The following LZTS1 variants were observed in gnomAD, a reference collection of about 807,000 sequenced individuals.
LZTS1 encodes leucine zipper putative tumor suppressor 1.
LZTS1 carries 31 observed loss-of-function variants against 45.8 expected under a neutral mutation model. That is an observed-to-expected ratio of 0.68 (90% CI 0.51 to 0.91). The LOEUF (loss-of-function observed/expected upper bound fraction) is 0.91. Among genes scored for constraint, LZTS1 ranks in the 40% least tolerant of loss-of-function variants. LZTS1 has a pLI of 0.00. For missense variants in LZTS1, 821 were observed against 788.9 expected (o/e 1.04, Z -0.49); for synonymous variants, 359 against 357.3 (o/e 1.00, Z -0.05).
intron 1 of LZTS1, among the ~76,000 whole-genome samples, chr8:20,298,320 C>G (rs1458668350): frequency 1.3e-5 from 2 of 152,132 alleles, no homozygotes; most frequent in African/African-American, 4.8e-5. Flanking sequence ...CCTCAGTCTC[C>G]CAAAGTGCTA....
At chr8:20,283,137 T>C (rs2128897677) in intron 1 of LZTS1, among the ~76,000 whole-genome samples, 1 of 152,226 alleles carries the variant, frequency 6.6e-6, no homozygotes, top group Non-Finnish European at 1.5e-5. Flanking sequence ...AGAAGACACT[T>C]CATGGATGCT....
In LZTS1 at chr8:20,246,626, A is replaced by T. The variant is rs192054659; in HGVS notation, c.*3096T>A. ...CACTGAGTGCCTCTCTGGGGAAGAG[A>T]TGCCCCCATATCCCAGTCCCATGTG... On this transcript the variant is annotated 3_prime_UTR_variant, in exon 4 of 4. Coordinates refer to ENST00000381569, the MANE Select transcript of LZTS1 (RefSeq NM_021020.5). 2.0e-3 allele frequency: 303 copies of T among 152,130 alleles called. 2 individuals carry two copies. Among genetic ancestry groups the T allele is most frequent in the African/African-American group, 6.8e-3 (283 of 41,472 alleles). 9.4% of individuals were successfully genotyped at this position (152,130 alleles called of 1,614,324 possible).
intron 1 of LZTS1, among the ~76,000 whole-genome samples, chr8:20,258,498 A>G (rs1800157242): frequency 6.6e-6 from 1 of 152,220 alleles, no homozygotes; most frequent in Non-Finnish European, 1.5e-5. Context: ...AGGTTATGTT[A>G]TGAATATGTT....
At position 20,251,747 on chromosome 8, in the gene LZTS1, C is replaced by T. The variant is rs1178702446; in HGVS notation, c.1149+1035G>A. Among the ~76,000 whole-genome samples, 7 of 152,274 alleles carry T rather than the reference C, an allele frequency of 4.6e-5. No individual in the cohort carries two copies. The East Asian group carries it at 1.2e-3, about 25-fold the overall frequency. The stretch of plus-strand genomic sequence containing the variant: ...CCAGCATGATACTAGTCACTGGGTA[C>T]AGCAGTGAATTTGTGAGGTAGTCTT... On this transcript the variant is annotated intron_variant, in intron 3 of 3. Transcript: ENST00000381569.
intron 1 of LZTS1, among the ~76,000 whole-genome samples, chr8:20,291,200 G>A (rs774216865): frequency 3.3e-5 from 5 of 152,208 alleles, no homozygotes; most frequent in Admixed American, 2.6e-4. Flanking sequence ...AGGTACCAAC[G>A]ACTCCTTCCC....
At position 20,303,944 on chromosome 8, in the gene LZTS1, C is replaced by G. The variant is rs1585309200; in HGVS notation, c.-339G>C. The G allele has an allele frequency of 1.0e-5, 10 of 977,506 alleles. No homozygotes were observed. Among genetic ancestry groups the G allele is most frequent in the Non-Finnish European group, 1.2e-5 (10 of 824,054 alleles). 60.6% of individuals were successfully genotyped at this position (977,506 alleles called of 1,614,324 possible). A position where few individuals can be genotyped will look rare whatever the true frequency, so the allele number is the denominator to read the frequency against. On this transcript the variant is annotated 5_prime_UTR_variant, in exon 1 of 4. Transcript: ENST00000381569. ...CCCGGCCGCTGCCAACCCGCCAGCTCCAGGCGCGCCGGCCTCTGCGCGGGT... is the reference window on the plus strand; with the variant it reads ...CCCGGCCGCTGCCAACCCGCCAGCTGCAGGCGCGCCGGCCTCTGCGCGGGT...
chr8:20,282,782 G>T (rs1800718878), intron 1 of LZTS1, among the ~76,000 whole-genome samples: 1 of 152,118 alleles, frequency 6.6e-6, no homozygotes, highest in African/African-American at 2.4e-5. Flanking sequence ...TTCCTTAGGT[G>T]GGTGGGTAGG....
chr8:20,272,972 C>A (rs729359), intron 1 of LZTS1, among the ~76,000 whole-genome samples: 1 of 152,194 alleles, frequency 6.6e-6, no homozygotes, highest in Non-Finnish European at 1.5e-5. Flanking sequence ...CCGTTCACAG[C>A]CAAGCTTCTC....
intron 1 of LZTS1, among the ~76,000 whole-genome samples, chr8:20,256,075 AAAAAAAAAAG>A (rs1241030738): frequency 1.1e-4 from 17 of 151,138 alleles, no homozygotes; most frequent in African/African-American, 3.9e-4. Flanking sequence ...AAAAAAAAAA[AAAAAAAAAAG>A]AAGAAGAAGA....
In LZTS1 at chr8:20,253,479, G is replaced by A. The variant is rs1168287963; in HGVS notation, c.452C>T (p.Pro151Leu). ...SPESASHQLH[P>L]APPDKPKEQE... Reference sequence around the variant, plus strand: ...CTCCTTGGGCTTGTCTGGAGGGGCGGGGTGCAGCTGGTGGCTGGCACTCTC... The same window carrying A: ...CTCCTTGGGCTTGTCTGGAGGGGCGAGGTGCAGCTGGTGGCTGGCACTCTC... Residue 151 changes from proline to leucine, a missense_variant, in exon 3 of 4, where the codon CCC (proline) becomes CTC (leucine). Pro to Leu is a moderately conservative substitution (Grantham distance 98). Coordinates refer to ENST00000381569, the MANE Select transcript of LZTS1 (RefSeq NM_021020.5). 1 of 1,601,432 alleles carries A rather than the reference G, an allele frequency of 6.2e-7. No individual in the cohort carries two copies. The highest frequency in any genetic ancestry group is 1.7e-5 in the Admixed American group (1 of 58,608).
intron 1 of LZTS1, among the ~76,000 whole-genome samples, chr8:20,278,322 C>G (rs1800623937): frequency 6.6e-6 from 1 of 152,160 alleles, no homozygotes; most frequent in Non-Finnish European, 1.5e-5. Flanking sequence ...TGAGCATGCA[C>G]ACAACTTCAG....
In LZTS1 at chr8:20,253,262, G is replaced by A. The variant is rs1366773027; in HGVS notation, c.669C>T (p.Asn223=). 1.2e-6 allele frequency: 2 copies of A among 1,614,018 alleles called. No homozygotes were observed. Among genetic ancestry groups the A allele is most frequent in the Non-Finnish European group, 1.7e-6 (2 of 1,180,052 alleles). Residue 223 remains asparagine (N), a synonymous_variant, in exon 3 of 4, where the codon AAC becomes AAT. Coordinates refer to ENST00000381569, the MANE Select transcript of LZTS1 (RefSeq NM_021020.5). ...ITQGIVLQDS[N]MMSLKALSFS... ...AGGACAGAGCCTTCAGGCTCATCAT[G>A]TTGCTGTCCTGGAGGACGATGCCCT...
At chr8:20,265,985 G>T (rs1396138549) in intron 1 of LZTS1, among the ~76,000 whole-genome samples, 1 of 151,934 alleles carries the variant, frequency 6.6e-6, no homozygotes, top group Non-Finnish European at 1.5e-5. Context: ...TCACACACAG[G>T]GTCAAACACA....
chr8:20,253,366 T>C lies in LZTS1; in HGVS notation c.565A>G (p.Ser189Gly), dbSNP rs1405277005. Residue 189 changes from serine to glycine, a missense_variant, in exon 3 of 4, where the codon AGC becomes GGC. Coordinates refer to ENST00000381569, the MANE Select transcript of LZTS1 (RefSeq NM_021020.5). ...ACCAGCGGGTCCAGCTGGTAGCTGC[T>C]GCTGGTGCTGTGTGTGGGCAGGCTG... The part of the protein sequence containing the change: ...MSSLPTHSTS[S>G]SYQLDPLVTP... 10 of 1,613,520 alleles carry C rather than the reference T, an allele frequency of 6.2e-6. No homozygotes were observed. In the Admixed American group the frequency reaches 1.7e-4, roughly 27 times the overall value.
At chr8:20,296,097 C>A (rs930102870) in intron 1 of LZTS1, among the ~76,000 whole-genome samples, 1 of 152,150 alleles carries the variant, frequency 6.6e-6, no homozygotes, top group African/African-American at 2.4e-5. Flanking sequence ...AAGTTGAGAC[C>A]AATTTAGCAG....
At chr8:20,261,811 C>T (rs997204292) in intron 1 of LZTS1, among the ~76,000 whole-genome samples, 1 of 152,226 alleles carries the variant, frequency 6.6e-6, no homozygotes, top group South Asian at 2.1e-4. Flanking sequence ...GATTCACACA[C>T]GCCCTCCTCC....
rs142383987 is a variant in LZTS1 at position 20,252,903 on chromosome 8, C to A, written c.1028G>T (p.Arg343Leu). ...GCTCTCGAGCTCCTGCCGGAGCTGC[C>A]GCTTCTCCTGCTGAAGCTGCAGTAC... ...LQVLQLQQEK[R>L]QLRQELESLM... Residue 343 changes from arginine to leucine, a missense_variant, in exon 3 of 4, where the codon CGG becomes CTG. Coordinates refer to ENST00000381569, the MANE Select transcript of LZTS1 (RefSeq NM_021020.5). The A allele has an allele frequency of 6.2e-7, 1 of 1,610,524 alleles. No individual in the cohort carries two copies. The highest frequency in any genetic ancestry group is 8.5e-7 in the Non-Finnish European group (1 of 1,178,956).
At position 20,246,716 on chromosome 8, in the gene LZTS1, C is replaced by T. The variant is rs2128889795; in HGVS notation, c.*3006G>A. Reference sequence around the variant, plus strand: ...TCACTGGGAGAGCTAGGAGGGAACCCCGTGACAGTCCAGTCGTTCCCAGGT... The same window carrying T: ...TCACTGGGAGAGCTAGGAGGGAACCTCGTGACAGTCCAGTCGTTCCCAGGT... On this transcript the variant is annotated 3_prime_UTR_variant, in exon 4 of 4. Coordinates refer to ENST00000381569, the MANE Select transcript of LZTS1 (RefSeq NM_021020.5). 1 of 152,716 alleles carries T rather than the reference C, an allele frequency of 6.5e-6. No homozygotes were observed. Among genetic ancestry groups the T allele is most frequent in the African/African-American group, 2.4e-5 (1 of 41,590 alleles). The allele number at this position is 152,716 out of a possible 1,614,324, so 9.5% of individuals were successfully genotyped here.
Position 20,263,101 on chromosome 8 carries a change from A to G in LZTS1, c.-134-7786T>C, listed in dbSNP as rs555527231. On this transcript the variant is annotated intron_variant, in intron 1 of 3. Transcript: ENST00000381569. Reference sequence around the variant, plus strand: ...CTTTCTCATTATTATTCCCCAGAAGAGCTCTCTGAGATGCTCTGTTGATTT... The same window carrying G: ...CTTTCTCATTATTATTCCCCAGAAGGGCTCTCTGAGATGCTCTGTTGATTT... Among the ~76,000 whole-genome samples the G allele has an allele frequency of 2.0e-5, 3 of 152,346 alleles. No homozygotes were observed. The East Asian group carries it at 5.8e-4, about 29-fold the overall frequency.
Sources: gnomAD v4.1 joint callset for allele counts (sites outside exome capture counted in the v4.1 genomes callset) on GRCh38, gnomAD v4.1.1 for gene constraint, MANE v1.5 for transcripts, NCBI Gene and HGNC (gene_info 2026-07-23, HGNC 2026-07-21) for gene names.